The following ADGRL2 variants were observed in gnomAD, a reference collection of about 807,000 sequenced individuals.
ADGRL2 encodes calcium-independent alpha-latrotoxin receptor 2.
A neutral mutation model predicts 157.4 loss-of-function variants in ADGRL2; 44 were observed. The observed-to-expected ratio is 0.28, with a 90% CI of 0.22 to 0.36. ADGRL2 has a LOEUF of 0.36. Among genes scored for constraint, ADGRL2 ranks in the 10% least tolerant of loss-of-function variants. The probability of loss-of-function intolerance (pLI) is 1.00; values close to 1 mark genes in which losing one functional copy is unlikely to be tolerated. For missense variants in ADGRL2, 1,510 were observed against 1,768.9 expected (o/e 0.85, Z 2.63); for synonymous variants, 585 against 624.7 (o/e 0.94, Z 0.95).
chr1:81,486,142 G>A (rs1237687587), intron 2 of ADGRL2, among the ~76,000 whole-genome samples: 5 of 152,146 alleles, frequency 3.3e-5, no homozygotes, highest in South Asian at 2.1e-4. Flanking sequence ...ATTATTTGCC[G>A]CTTGGTTTAG....
intron 1 of ADGRL2, among the ~76,000 whole-genome samples, chr1:81,309,827 T>C (rs947324929): frequency 3.3e-5 from 5 of 152,142 alleles, no homozygotes; most frequent in African/African-American, 2.4e-5. Flanking sequence ...AAGAGCAAGA[T>C]TGACATCTCT....
intron 1 of ADGRL2, among the ~76,000 whole-genome samples, chr1:81,391,255 T>C (rs2076548896): frequency 6.6e-6 from 1 of 152,306 alleles, no homozygotes; most frequent in African/African-American, 2.4e-5. Flanking sequence ...GGTTTGTGCT[T>C]GTGGCACTTG....
At chr1:81,859,190 T>C (rs1300439476) in intron 2 of ADGRL2, among the ~76,000 whole-genome samples, 1 of 152,164 alleles carries the variant, frequency 6.6e-6, no homozygotes, top group Admixed American at 6.5e-5. Context: ...CATCAGATTA[T>C]TTTAAAACAT....
At chr1:81,495,320 T>C (rs1312010054) in intron 2 of ADGRL2, among the ~76,000 whole-genome samples, 1 of 152,180 alleles carries the variant, frequency 6.6e-6, no homozygotes, top group African/African-American at 2.4e-5. Context: ...ATTTAAGACT[T>C]AAAAATTGAA....
chr1:81,320,783 AT>A (rs1660448763), intron 1 of ADGRL2, among the ~76,000 whole-genome samples: 1 of 152,184 alleles, frequency 6.6e-6, no homozygotes, highest in Non-Finnish European at 1.5e-5. Context: ...TAGATTTAGC[AT>A]AATTCTCGAG....
intron 2 of ADGRL2, among the ~76,000 whole-genome samples, chr1:81,775,733 A>G (rs1182415443): frequency 6.6e-6 from 1 of 152,194 alleles, no homozygotes; most frequent in East Asian, 1.9e-4. Context: ...GCACTCTGGG[A>G]CTTGAGCAAG....
chr1:81,901,585 T>A lies in ADGRL2; in HGVS notation c.74-5432T>A, dbSNP rs868018077. On this transcript the variant is annotated intron_variant, in intron 2 of 23. Coordinates refer to ENST00000686636, the MANE Select transcript of ADGRL2 (RefSeq NM_001366006.2). ...GGATTAAAACATATATATATATATTTTTTTTTTTGATGATTTCTTCCCGTG... is the reference window on the plus strand; with the variant it reads ...GGATTAAAACATATATATATATATTATTTTTTTTGATGATTTCTTCCCGTG... Among the ~76,000 whole-genome samples the A allele has an allele frequency of 9.8e-4, 142 of 145,492 alleles. 1 individual carries two copies. Among genetic ancestry groups the A allele is most frequent in the African/African-American group, 1.7e-3 (67 of 40,016 alleles).
chr1:81,728,903 C>T lies in ADGRL2; in HGVS notation c.-143+29095C>T, dbSNP rs530524611. 3.3e-5 allele frequency among the ~76,000 whole-genome samples: 5 copies of T among 152,128 alleles called. No individual in the cohort carries two copies. In the East Asian group the frequency reaches 9.7e-4, roughly 29 times the overall value. On this transcript the variant is annotated intron_variant, in intron 1 of 20. Coordinates refer to the ADGRL2 transcript ENST00000359929. ...TTCTCTTGGGGAGGTAACTGTCCTTCTTCTCCAGCCCAATCTGCTATGACC... is the reference window on the plus strand; with the variant it reads ...TTCTCTTGGGGAGGTAACTGTCCTTTTTCTCCAGCCCAATCTGCTATGACC...
At chr1:81,828,100 C>T (rs991326698) in intron 1 of ADGRL2, among the ~76,000 whole-genome samples, 18 of 152,300 alleles carry the variant, frequency 1.2e-4, no homozygotes, top group Non-Finnish European at 1.9e-4. Flanking sequence ...CAAACTATGG[C>T]TAGCCATCAG....
At chr1:81,677,494 G>A (rs2083021482) in intron 3 of ADGRL2, among the ~76,000 whole-genome samples, 1 of 152,080 alleles carries the variant, frequency 6.6e-6, no homozygotes, top group African/African-American at 2.4e-5. Context: ...TTTGGGATGG[G>A]GTGCAACAAA....
chr1:81,557,055 AGAG>A (rs958840178), intron 2 of ADGRL2: 3 of 180,738 alleles, frequency 1.7e-5, no homozygotes, highest in African/African-American at 2.4e-5. Context: ...AAGAAGAAGA[AGAG>A]ATGTGTGGCA....
chr1:81,390,361 G>A (rs1336773173), intron 1 of ADGRL2, among the ~76,000 whole-genome samples: 1 of 152,302 alleles, frequency 6.6e-6, no homozygotes, highest in African/African-American at 2.4e-5. Context: ...GAGAGCTGCA[G>A]AATAACTGCA....
chr1:81,800,908 C>T (rs2087963834), upstream of ADGRL2, among the ~76,000 whole-genome samples: 2 of 149,414 alleles, frequency 1.3e-5, no homozygotes, highest in Admixed American at 6.7e-5. Context: ...CGAGCTGGCG[C>T]AGGCCGCCTC....
chr1:81,887,636 G>A (rs10493704), intron 2 of ADGRL2, among the ~76,000 whole-genome samples: 58,752 of 152,032 alleles, frequency 0.39, 12,838 homozygotes, highest in East Asian at 0.86. Flanking sequence ...CAACATTCCC[G>A]AGTGAAATTT....
chr1:81,357,506 G>A (rs1338771275), intron 1 of ADGRL2, among the ~76,000 whole-genome samples: 3 of 151,876 alleles, frequency 2.0e-5, no homozygotes, highest in Non-Finnish European at 2.9e-5. Context: ...ATAACTCAAT[G>A]TTTTTTACCT....
chr1:81,854,851 A>T (rs549116483), intron 2 of ADGRL2, among the ~76,000 whole-genome samples: 7 of 152,286 alleles, frequency 4.6e-5, no homozygotes, highest in African/African-American at 1.7e-4. Flanking sequence ...CAAATAGGTC[A>T]ATGTGTGCCG....
intron 3 of ADGRL2, among the ~76,000 whole-genome samples, chr1:81,680,305 T>C (rs1383744063): frequency 2.0e-5 from 3 of 152,182 alleles, no homozygotes. Flanking sequence ...AACTTAAATC[T>C]CTTCTTATAT....
At chr1:81,534,255 A>G (rs893732393) in intron 2 of ADGRL2, among the ~76,000 whole-genome samples, 1 of 152,092 alleles carries the variant, frequency 6.6e-6, no homozygotes, top group Non-Finnish European at 1.5e-5. Flanking sequence ...TCCGCCTCCC[A>G]GGTTGAAGTG....
At chr1:81,884,783 G>A (rs1204178710) in intron 2 of ADGRL2, among the ~76,000 whole-genome samples, 1 of 152,114 alleles carries the variant, frequency 6.6e-6, no homozygotes, top group Non-Finnish European at 1.5e-5. Flanking sequence ...CCTTCCTGCT[G>A]ATGAAGAAAA....
Sources: allele counts gnomAD v4.1 joint callset (sites outside exome capture counted in the v4.1 genomes callset), GRCh38; gene constraint gnomAD v4.1.1; transcripts MANE v1.5; gene names NCBI Gene and HGNC (gene_info 2026-07-23, HGNC 2026-07-21).